AKAP19: variants seen among roughly 807,000 people sequenced by gnomAD.
AKAP19 encodes small A-kinase anchoring protein.
At chr2:190,098,443 A>AT in the AKAP19 span, among the ~76,000 whole-genome samples, 50 of 149,030 alleles carry the variant, frequency 3.4e-4, 1 homozygote, top group South Asian at 6.4e-4. Flanking sequence ...TGAAAGAAAT[A>AT]TTTTTTTTTT....
chr2:190,132,066 A>G, the AKAP19 span, among the ~76,000 whole-genome samples: 1 of 152,204 alleles, frequency 6.6e-6, no homozygotes, highest in Admixed American at 6.5e-5. Flanking sequence ...CCAATTTAAA[A>G]TAGCTACCAA....
the AKAP19 span, chr2:190,199,626 T>G: frequency 1.0e-6 from 1 of 956,800 alleles, no homozygotes. Context: ...GAAAGGATTT[T>G]TACATGCCAC....
the AKAP19 span, among the ~76,000 whole-genome samples, chr2:190,006,638 CAAAAA>C: frequency 8.8e-6 from 1 of 113,892 alleles, no homozygotes; most frequent in Non-Finnish European, 1.9e-5. Flanking sequence ...GACTCTGTCT[CAAAAA>C]AAAAAAAAAA....
chr2:190,197,622 C>T, the AKAP19 span, among the ~76,000 whole-genome samples: 5 of 152,302 alleles, frequency 3.3e-5, no homozygotes, highest in South Asian at 1.0e-3. The surrounding 1 kb of genome is among the most constrained non-coding windows in gnomAD (Gnocchi z 4.0). Flanking sequence ...GGGAGATACC[C>T]CCAGGTAGAA....
the AKAP19 span, among the ~76,000 whole-genome samples, chr2:190,040,646 T>C: frequency 6.6e-6 from 1 of 152,220 alleles, no homozygotes; most frequent in Non-Finnish European, 1.5e-5. Flanking sequence ...AGGGTTTTTA[T>C]AGTTTTGGGT....
the AKAP19 span, among the ~76,000 whole-genome samples, chr2:190,014,642 CTT>C: frequency 6.8e-6 from 1 of 146,998 alleles, no homozygotes. Flanking sequence ...CTCAAATGTC[CTT>C]TTTTTTTTTT....
the AKAP19 span, among the ~76,000 whole-genome samples, chr2:189,956,391 G>C: frequency 0.011 from 1,596 of 151,080 alleles, 25 homozygotes; most frequent in African/African-American, 0.037. Context: ...GGATGGTCTC[G>C]ATCTCCTGAC....
chr2:190,090,023 C>A, the AKAP19 span, among the ~76,000 whole-genome samples: 1 of 151,926 alleles, frequency 6.6e-6, no homozygotes, highest in Admixed American at 6.6e-5. Flanking sequence ...CCAAACTACT[C>A]TACTTAACCT....
At chr2:190,029,583 G>C in the AKAP19 span, among the ~76,000 whole-genome samples, 1 of 152,114 alleles carries the variant, frequency 6.6e-6, no homozygotes, top group Non-Finnish European at 1.5e-5. Context: ...TGTATCAGAG[G>C]TTGGCAAGCT....
the AKAP19 span, among the ~76,000 whole-genome samples, chr2:189,919,500 G>A: frequency 7.3e-5 from 11 of 151,416 alleles, no homozygotes; most frequent in Non-Finnish European, 7.4e-5. Flanking sequence ...TGCCATGGTG[G>A]TTTACTGCAC....
the AKAP19 span, among the ~76,000 whole-genome samples, chr2:189,913,876 C>A: frequency 6.6e-6 from 1 of 152,034 alleles, no homozygotes; most frequent in Non-Finnish European, 1.5e-5. Context: ...TGAAGCATAT[C>A]TTTTCCTTAG....
chr2:189,945,376 G>A, the AKAP19 span, among the ~76,000 whole-genome samples: 1 of 152,178 alleles, frequency 6.6e-6, no homozygotes, highest in African/African-American at 2.4e-5. Flanking sequence ...CAAGAGCCAG[G>A]TGAGTGAGCC....
the AKAP19 span, chr2:190,181,178 G>A: frequency 1.0e-6 from 1 of 983,872 alleles, no homozygotes; most frequent in Non-Finnish European, 1.2e-6. Flanking sequence ...CTTGTCAGCT[G>A]TGCCTTTTAG....
the AKAP19 span, among the ~76,000 whole-genome samples, chr2:190,191,599 T>C: frequency 6.6e-6 from 1 of 152,172 alleles, no homozygotes; most frequent in East Asian, 1.9e-4. Flanking sequence ...CCACCAGCAA[T>C]GTATGAGAGT....
At chr2:189,914,667 T>C in the AKAP19 span, among the ~76,000 whole-genome samples, 314 of 152,234 alleles carry the variant, frequency 2.1e-3, 2 homozygotes, top group African/African-American at 7.2e-3. Flanking sequence ...AAAATGTTGC[T>C]TCATTAATTA....
the AKAP19 span, among the ~76,000 whole-genome samples, chr2:189,891,079 C>T: frequency 5.3e-5 from 8 of 152,048 alleles, no homozygotes; most frequent in African/African-American, 1.2e-4. Flanking sequence ...TTTAGTGCTT[C>T]CTTCAGGAGC....
At chr2:190,039,667 C>T in the AKAP19 span, among the ~76,000 whole-genome samples, 1 of 151,924 alleles carries the variant, frequency 6.6e-6, no homozygotes, top group Non-Finnish European at 1.5e-5. Context: ...TTGTCTCCCT[C>T]CTCCCACCCT....
chr2:190,011,571 A>G, the AKAP19 span, among the ~76,000 whole-genome samples: 4 of 152,176 alleles, frequency 2.6e-5, no homozygotes, highest in African/African-American at 4.8e-5. Flanking sequence ...TTCAGGTTGT[A>G]TGATTACATC....
At chr2:190,180,656 G>C in the AKAP19 span, 1 of 985,308 alleles carries the variant, frequency 1.0e-6, no homozygotes, top group Non-Finnish European at 1.2e-6. The surrounding 1 kb of genome is among the most constrained non-coding windows in gnomAD (Gnocchi z 6.8). Flanking sequence ...CGGACCCTGC[G>C]CCTGAGGAAG....
Sources: allele counts gnomAD v4.1 joint callset (sites outside exome capture counted in the v4.1 genomes callset), GRCh38; gene constraint gnomAD v4.1.1; non-coding constraint Gnocchi (gnomAD v3.1); transcripts MANE v1.5; gene names NCBI Gene and HGNC (gene_info 2026-07-23, HGNC 2026-07-21).